The following IGF2 variants were observed in gnomAD, a reference collection of about 807,000 sequenced individuals.
IGF2 encodes insulin like growth factor 2.
In IGF2, 2 loss-of-function variants were observed where a neutral mutation model predicts 12.0. The ratio of observed to expected loss-of-function variants is 0.17; its 90% CI spans 0.07 to 0.52. IGF2 has a LOEUF of 0.52. Ranked by LOEUF, IGF2 falls within the 20% of genes least tolerant of loss-of-function variation. The pLI, the probability that IGF2 is intolerant of heterozygous loss-of-function variation, is 0.95. For synonymous variants in IGF2, 105 were observed against 110.1 expected, an observed-to-expected ratio of 0.95 and a Z score of 0.29; for missense variants, 211 against 268.0, an observed-to-expected ratio of 0.79 and a Z score of 1.48.
the IGF2 span, chr11:2,146,503 C>T: frequency 4.5e-6 from 2 of 447,648 alleles, no homozygotes; most frequent in Non-Finnish European, 9.2e-6. Context: ...CACCCCAAGG[C>T]TGCTCAATCT....
chr11:2,147,352 C>G, the IGF2 span: 1 of 384,770 alleles, frequency 2.6e-6, no homozygotes, highest in African/African-American at 2.1e-5. The surrounding 1 kb of genome is among the most constrained non-coding windows in gnomAD (Gnocchi z 7.2). Context: ...GCCGTGGAGA[C>G]TGCGGGGAAC....
chr11:2,130,751 C>G lies in IGF2; in HGVS notation c.*2236G>C, dbSNP rs1858485919. On this transcript the variant is annotated 3_prime_UTR_variant, in exon 4 of 4. Transcript: ENST00000416167. ...AATCTCCCGGGACCACTTCCTACCCCAGAACTCCCCCCGCCCAGCCCCCAC... is the reference window on the plus strand; with the variant it reads ...AATCTCCCGGGACCACTTCCTACCCGAGAACTCCCCCCGCCCAGCCCCCAC... 5.1e-6 allele frequency: 1 copy of G among 195,340 alleles called. No homozygotes were observed. The highest frequency in any genetic ancestry group is 6.1e-5 in the Admixed American group (1 of 16,360). The allele number at this position is 195,340 out of a possible 1,614,324, so 12.1% of individuals were successfully genotyped here.
Position 2,138,973 on chromosome 11 carries a change from C to A in IGF2, c.-751G>T. 1.0e-6 allele frequency: 1 copy of A among 965,006 alleles called. No individual in the cohort carries two copies. Among genetic ancestry groups the A allele is most frequent in the African/African-American group, 1.9e-5 (1 of 52,300 alleles). The allele number at this position is 965,006 out of a possible 1,614,324, so 59.8% of individuals were successfully genotyped here. A position where few individuals can be genotyped will look rare whatever the true frequency, so the allele number is the denominator to read the frequency against. On this transcript the variant is annotated 5_prime_UTR_variant, in exon 1 of 4. Transcript: ENST00000416167. ...GCCCGGGCCTCGGGAGGGGGACAGG[C>A]GGTGGCGGCACCGGGGCCGCTCCGG...
chr11:2,138,699 C>A lies in IGF2; in HGVS notation c.-477G>T. 2.1e-6 allele frequency: 1 copy of A among 479,940 alleles called. No individual in the cohort carries two copies. Among genetic ancestry groups the A allele is most frequent in the Non-Finnish European group, 2.4e-6 (1 of 410,918 alleles). The allele number at this position is 479,940 out of a possible 1,614,324, so 29.7% of individuals were successfully genotyped here. ...GGTTCGGCGAAGGCGAGAGGGCGGGCGTGAGGGGGGGAGGGAGTCGGAGGC... is the reference window on the plus strand; with the variant it reads ...GGTTCGGCGAAGGCGAGAGGGCGGGAGTGAGGGGGGGAGGGAGTCGGAGGC... On this transcript the variant is annotated 5_prime_UTR_variant, in exon 1 of 4. Transcript: ENST00000416167.
the IGF2 span, chr11:2,149,495 C>T: frequency 1.4e-6 from 1 of 708,466 alleles, no homozygotes; most frequent in East Asian, 2.7e-5. Flanking sequence ...CCACTCGTTT[C>T]CCTGAGCCCC....
the IGF2 span, chr11:2,146,523 C>A: frequency 2.4e-6 from 1 of 417,762 alleles, no homozygotes; most frequent in East Asian, 7.0e-5. Context: ...TGCCCAAAGC[C>A]AAAAGTACGT....
chr11:2,131,409 C>T lies in IGF2; in HGVS notation c.*1578G>A, dbSNP rs1065687. 8,724 of 233,074 alleles carry T rather than the reference C, an allele frequency of 0.037. 249 individuals carry two copies. Among genetic ancestry groups the T allele is most frequent in the Non-Finnish European group, 0.056 (6,565 of 118,064 alleles). 14.4% of individuals were successfully genotyped at this position (233,074 alleles called of 1,614,324 possible). A position where few individuals can be genotyped will look rare whatever the true frequency, so the allele number is the denominator to read the frequency against. On this transcript the variant is annotated 3_prime_UTR_variant, in exon 4 of 4. Coordinates refer to ENST00000416167, the MANE Select transcript of IGF2 (RefSeq NM_000612.6). ...CTTAGATATGCTTATTGTTTTCATC[C>T]AATTTTGTGGGGGTGTGCGTGTGTG...
the IGF2 span, chr11:2,149,386 AC>A: frequency 6.5e-7 from 1 of 1,539,890 alleles, no homozygotes; most frequent in East Asian, 2.3e-5. Context: ...GCATGTTAAT[AC>A]GGCCCCTACA....
Position 2,133,568 on chromosome 11 carries a change from A to C in IGF2, c.255T>G (p.Ala85=). The C allele has an allele frequency of 9.3e-6, 15 of 1,613,014 alleles. No homozygotes were observed. The highest frequency in any genetic ancestry group is 1.3e-5 in the Non-Finnish European group (15 of 1,179,988). The change falls in exon 3 of 4, where the codon GCT becomes GCG. Residue 85 remains alanine (A), a synonymous_variant. Coordinates refer to ENST00000416167, the MANE Select transcript of IGF2 (RefSeq NM_000612.6). This position sits in a 1 kb window ranked among gnomAD's most constrained non-coding sequence, Gnocchi z 8.9. ...CDLALLETYC[A]TPAKSERDVS... ...CGTCCCTCTCGGACTTGGCGGGGGTAGCACAGTACGTCTCCAGGAGGGCCA... is the reference window on the plus strand; with the variant it reads ...CGTCCCTCTCGGACTTGGCGGGGGTCGCACAGTACGTCTCCAGGAGGGCCA...
upstream of IGF2, among the ~76,000 whole-genome samples, chr11:2,139,612 C>A (rs1313294342): frequency 8.4e-6 from 1 of 118,722 alleles, no homozygotes; most frequent in Non-Finnish European, 1.8e-5. Context: ...CTGGGGGGTG[C>A]GCGGGGGCGA....
At chr11:2,147,953 C>T in the IGF2 span, 1 of 448,994 alleles carries the variant, frequency 2.2e-6, no homozygotes, top group Non-Finnish European at 3.7e-6. The surrounding 1 kb of genome is among the most constrained non-coding windows in gnomAD (Gnocchi z 7.2). Context: ...AGCGGCTTCC[C>T]CCTCTAGCCC....
chr11:2,139,468 G>A (rs1859385131), upstream of IGF2: 1 of 146,368 alleles, frequency 6.8e-6, no homozygotes, highest in Admixed American at 6.8e-5. Context: ...CGCTGGCCTC[G>A]CGCCCGCGCC....
Position 2,133,404 on chromosome 11 carries a change from G to A in IGF2, c.306+113C>T. The A allele has an allele frequency of 8.0e-7, 1 of 1,256,874 alleles. No individual in the cohort carries two copies. The highest frequency in any genetic ancestry group is 1.5e-5 in the South Asian group (1 of 65,094). The allele number at this position is 1,256,874 out of a possible 1,614,324, so 77.9% of individuals were successfully genotyped here. ...CCCGGGCCACACAGCAAGCAAGGAA[G>A]TCACGGGTCCTTGTCCCTGGCCAAG... On this transcript the variant is annotated intron_variant, in intron 3 of 3. Transcript: ENST00000416167. The surrounding 1 kb of genome is among the most constrained non-coding windows in gnomAD (Gnocchi z 8.9).
At chr11:2,142,270 T>C (rs2133622571), upstream of IGF2, among the ~76,000 whole-genome samples, 1 of 152,130 alleles carries the variant, frequency 6.6e-6, no homozygotes, top group African/African-American at 2.4e-5. The surrounding 1 kb of genome is among the most constrained non-coding windows in gnomAD (Gnocchi z 5.7). Flanking sequence ...TTTGGAAGGC[T>C]GGGAGACAAT....
chr11:2,130,598 A>C lies in IGF2; in HGVS notation c.*2389T>G. Reference sequence around the variant, plus strand: ...GGGGTAAAAAAAAAACAAAAAAAAAAAAAAAAGGAAAAATGCCCCAAGAAA... The same window carrying C: ...GGGGTAAAAAAAAAACAAAAAAAAACAAAAAAGGAAAAATGCCCCAAGAAA... On this transcript the variant is annotated 3_prime_UTR_variant, in exon 4 of 4. Transcript: ENST00000416167. The C allele has an allele frequency of 4.6e-6, 1 of 219,430 alleles. No homozygotes were observed. The highest frequency in any genetic ancestry group is 1.4e-3 in the Middle Eastern group (1 of 706). The allele number at this position is 219,430 out of a possible 1,614,324, so 13.6% of individuals were successfully genotyped here. A position where few individuals can be genotyped will look rare whatever the true frequency, so the allele number is the denominator to read the frequency against.
upstream of IGF2, chr11:2,140,720 C>G (rs377765595): frequency 2.4e-6 from 1 of 419,378 alleles, no homozygotes; most frequent in Non-Finnish European, 4.6e-6. Context: ...AGTCCGCAGC[C>G]GTGTCCCGCG....
In IGF2 at chr11:2,131,503, G is replaced by A. The variant is rs1858544365; in HGVS notation, c.*1484C>T. 1 of 232,360 alleles carries A rather than the reference G, an allele frequency of 4.3e-6. No individual in the cohort carries two copies. The highest frequency in any genetic ancestry group is 8.5e-6 in the Non-Finnish European group (1 of 117,684). The allele number at this position is 232,360 out of a possible 1,614,324, so 14.4% of individuals were successfully genotyped here. ...TGTGCTGCGTGTTTGTGTGCTGTGAGCTGTGTTCATGTATGTGCTGCGCAT... is the reference window on the plus strand; with the variant it reads ...TGTGCTGCGTGTTTGTGTGCTGTGAACTGTGTTCATGTATGTGCTGCGCAT... On this transcript the variant is annotated 3_prime_UTR_variant, in exon 4 of 4. Transcript: ENST00000416167.
rs1858705947 is a variant in IGF2 at position 2,132,871 on chromosome 11, G to GTC, written c.*115_*116insGA. On this transcript the variant is annotated 3_prime_UTR_variant, in exon 4 of 4. Transcript: ENST00000416167. The stretch of plus-strand genomic sequence containing the variant: ...GGGCACGGGGACTGGGTCAGGAGAA[G>GTC]CCCCAGGGGGACGTGGAACCGAGAG... 37 of 736,342 alleles carry GTC rather than the reference G, an allele frequency of 5.0e-5. 1 individual carries two copies. In the South Asian group the frequency reaches 6.7e-4, roughly 13 times the overall value. 45.6% of individuals were successfully genotyped at this position (736,342 alleles called of 1,614,324 possible).
chr11:2,142,493 A>G (rs1315886494), upstream of IGF2, among the ~76,000 whole-genome samples: 1 of 152,196 alleles, frequency 6.6e-6, no homozygotes, highest in Non-Finnish European at 1.5e-5. This position sits in a 1 kb window ranked among gnomAD's most constrained non-coding sequence, Gnocchi z 5.7. Flanking sequence ...GAGATGACTC[A>G]GTGGGTTGTT....
Sources: allele counts gnomAD v4.1 joint callset (sites outside exome capture counted in the v4.1 genomes callset), GRCh38; gene constraint gnomAD v4.1.1; non-coding constraint Gnocchi (gnomAD v3.1); transcripts MANE v1.5; gene names NCBI Gene and HGNC (gene_info 2026-07-23, HGNC 2026-07-21).